UNC13C: variants seen among roughly 807,000 people sequenced by gnomAD.
The protein encoded by UNC13C is protein unc-13 homolog C.
Under a neutral mutation model 245.4 loss-of-function variants are expected in UNC13C, and 174 were observed. That is an observed-to-expected ratio of 0.71 (90% confidence interval 0.63 to 0.80). UNC13C has a LOEUF of 0.80. Ranked by LOEUF, UNC13C falls within the 30% of genes least tolerant of loss-of-function variation. The pLI is 0.00. For missense variants in UNC13C, 2,829 were observed against 2,602.9 expected (o/e 1.09, Z -1.89); for synonymous variants, 992 against 895.1 (o/e 1.11, Z -1.93).
chr15:54,195,228 A>G (rs1158050700), intron 4 of UNC13C, among the ~76,000 whole-genome samples: 1 of 152,144 alleles, frequency 6.6e-6, no homozygotes, highest in African/African-American at 2.4e-5. Context: ...AGCAGAGGAA[A>G]AAAGCCTACA....
At chr15:54,630,354 G>A (rs993693491), downstream of UNC13C, 1 of 152,100 alleles carries the variant, frequency 6.6e-6, no homozygotes, top group Non-Finnish European at 1.5e-5. Flanking sequence ...ATTTATAAAT[G>A]ACAATTCTAA....
At chr15:54,475,423 C>A (rs563673087) in intron 19 of UNC13C, among the ~76,000 whole-genome samples, 8 of 151,730 alleles carry the variant, frequency 5.3e-5, no homozygotes, top group African/African-American at 1.9e-4. Flanking sequence ...CGTCATTTAG[C>A]ATTAGGTATA....
intron 2 of UNC13C, among the ~76,000 whole-genome samples, chr15:54,099,800 TA>T (rs1003999793): frequency 2.6e-5 from 4 of 151,998 alleles, no homozygotes; most frequent in African/African-American, 9.6e-5. Flanking sequence ...ATCCCACATT[TA>T]AAAAAATACT....
intron 2 of UNC13C, among the ~76,000 whole-genome samples, chr15:54,102,234 T>C (rs868602664): frequency 2.0e-5 from 3 of 152,026 alleles, no homozygotes; most frequent in Non-Finnish European, 4.4e-5. Flanking sequence ...TGCATGCATA[T>C]AAACTTCTGC....
chr15:54,035,726 A>G (rs1386865706), intron 2 of UNC13C, among the ~76,000 whole-genome samples: 1 of 152,178 alleles, frequency 6.6e-6, no homozygotes, highest in Non-Finnish European at 1.5e-5. Flanking sequence ...TCCATCAACC[A>G]AGATAGCAGA....
intron 24 of UNC13C, among the ~76,000 whole-genome samples, chr15:54,518,475 G>A (rs376612511): frequency 1.3e-5 from 2 of 152,184 alleles, no homozygotes; most frequent in East Asian, 3.9e-4. Context: ...CAAGGAAGGA[G>A]AGGGAGACGG....
chr15:54,321,696 A>G (rs2038164236), intron 13 of UNC13C: 1 of 438,866 alleles, frequency 2.3e-6, no homozygotes, highest in Non-Finnish European at 4.0e-6. Context: ...GACTTTAACA[A>G]TGCTTTCTCG....
intron 30 of UNC13C, among the ~76,000 whole-genome samples, chr15:54,601,050 T>C (rs1205403177): frequency 6.6e-6 from 1 of 152,202 alleles, no homozygotes. Context: ...AGTTAGGCTG[T>C]ATTCAAAGCC....
chr15:54,203,093 C>T (rs1422326112), intron 4 of UNC13C, among the ~76,000 whole-genome samples: 8 of 152,012 alleles, frequency 5.3e-5, no homozygotes, highest in African/African-American at 1.9e-4. Flanking sequence ...ACATCACTAA[C>T]TGTCAGAGAA....
chr15:54,031,064 G>T (rs1327518978), intron 2 of UNC13C, among the ~76,000 whole-genome samples: 1 of 151,996 alleles, frequency 6.6e-6, no homozygotes, highest in East Asian at 1.9e-4. Flanking sequence ...TAGCTCATTG[G>T]TCTTTGCTTC....
the UNC13C span, among the ~76,000 whole-genome samples, chr15:53,936,588 C>T: frequency 6.6e-6 from 1 of 152,198 alleles, no homozygotes; most frequent in African/African-American, 2.4e-5. Context: ...AACCTCCCAA[C>T]AGGGGTCTCC....
chr15:54,401,224 T>A (rs1388781457), intron 18 of UNC13C, among the ~76,000 whole-genome samples: 1 of 152,180 alleles, frequency 6.6e-6, no homozygotes, highest in African/African-American at 2.4e-5. Flanking sequence ...TCATTAACAG[T>A]TTCATTTCAA....
At chr15:54,164,808 A>G (rs118066624) in intron 4 of UNC13C, among the ~76,000 whole-genome samples, 3,081 of 152,324 alleles carry the variant, frequency 0.02, 38 homozygotes, top group Non-Finnish European at 0.031. Context: ...CTAAACATTA[A>G]AAAATCACAG....
At chr15:54,162,422 TCAGA>T (rs1260770466) in intron 4 of UNC13C, among the ~76,000 whole-genome samples, 1 of 152,140 alleles carries the variant, frequency 6.6e-6, no homozygotes, top group African/African-American at 2.4e-5. Context: ...GCTCTTGCAA[TCAGA>T]CAGAGAACAT....
intron 4 of UNC13C, among the ~76,000 whole-genome samples, chr15:54,188,103 C>T (rs866484943): frequency 6.6e-5 from 10 of 152,174 alleles, no homozygotes; most frequent in Admixed American, 3.9e-4. Flanking sequence ...CAGCCATGAG[C>T]CTTCGAGCCC....
rs1245444646 is a variant in UNC13C, at chr15:54,566,602, T to C, written c.5959-1198T>C. Among the ~76,000 whole-genome samples, 3 of 149,080 alleles carry C rather than the reference T, an allele frequency of 2.0e-5. No individual in the cohort carries two copies. In the East Asian group the frequency reaches 5.9e-4, roughly 30 times the overall value. On this transcript the variant is annotated intron_variant, in intron 29 of 32. Transcript: ENST00000260323. ...GTATCTATAATTGTACCAGTGTTTCTTAAGTTTAAATCCCATTTGCCTAAT... is the reference window on the plus strand; with the variant it reads ...GTATCTATAATTGTACCAGTGTTTCCTAAGTTTAAATCCCATTTGCCTAAT...
At chr15:53,893,920 C>G in the UNC13C span, among the ~76,000 whole-genome samples, 1 of 152,226 alleles carries the variant, frequency 6.6e-6, no homozygotes, top group East Asian at 1.9e-4. Flanking sequence ...ACTTCTGCAG[C>G]TAGTTTGGTG....
intron 6 of UNC13C, 86 bp downstream of exon 6, chr15:54,236,521 G>T: frequency 9.8e-7 from 1 of 1,019,980 alleles, no homozygotes; most frequent in East Asian, 2.5e-5. Context: ...AAGAGGGCAA[G>T]AATGGAGAAA....
the UNC13C span, among the ~76,000 whole-genome samples, chr15:53,939,144 T>C: frequency 6.6e-6 from 1 of 151,752 alleles, no homozygotes; most frequent in Admixed American, 6.6e-5. Context: ...TACAATCAGA[T>C]ACAAGGGGGA....
Sources: allele counts gnomAD v4.1 joint callset (sites outside exome capture counted in the v4.1 genomes callset), GRCh38; gene constraint gnomAD v4.1.1; transcripts MANE v1.5; gene names NCBI Gene and HGNC (gene_info 2026-07-23, HGNC 2026-07-21).